Variants in PACS1 observed in about 807,000 individuals in gnomAD.
The protein encoded by PACS1 is phosphofurin acidic cluster sorting protein 1, also known as PACS-1.
PACS1 carries 24 observed loss-of-function variants against 115.0 expected under a neutral mutation model. The observed-to-expected ratio is 0.21, with a 90% CI of 0.15 to 0.29. PACS1 has a LOEUF of 0.29. Among genes scored for constraint, PACS1 ranks in the 10% least tolerant of loss-of-function variants. The pLI, the probability that PACS1 is intolerant of heterozygous loss-of-function variation, is 1.00. For missense variants in PACS1, 838 were observed against 1,251.2 expected (o/e 0.67, Z 4.98); for synonymous variants, 453 against 504.5 (o/e 0.90, Z 1.37).
intron 1 of PACS1, among the ~76,000 whole-genome samples, chr11:66,086,652 G>A (rs958878994): frequency 6.6e-6 from 1 of 152,272 alleles, no homozygotes; most frequent in African/African-American, 2.4e-5. Context: ...GTCTCATTCT[G>A]TCCGCCAGGC....
chr11:66,230,502 C>A, intron 11 of PACS1, 46 bp from the exon 12 acceptor site: 1 of 1,358,650 alleles, frequency 7.4e-7, no homozygotes, highest in Non-Finnish European at 1.1e-6. Context: ...CCTGGGTGGT[C>A]ACTGAGTGGG....
chr11:66,230,037 G>A (rs948099423), intron 11 of PACS1, among the ~76,000 whole-genome samples: 1 of 151,758 alleles, frequency 6.6e-6, no homozygotes, highest in Non-Finnish European at 1.5e-5. Flanking sequence ...GTGAGAGTGT[G>A]GCCAGAGCGG....
intron 4 of PACS1, among the ~76,000 whole-genome samples, 187 bp from the exon 5 acceptor site, chr11:66,215,915 AATAATAATAATAATAAT>A (rs1855193817): frequency 7.0e-6 from 1 of 143,882 alleles, no homozygotes; most frequent in Non-Finnish European, 1.5e-5. Flanking sequence ...TAATAATAAT[AATAATAATAATAATAAT>A]AATAATAATA....
At chr11:66,154,584 G>GA (rs201343775) in intron 1 of PACS1, among the ~76,000 whole-genome samples, 3 of 151,942 alleles carry the variant, frequency 2.0e-5, no homozygotes, top group Admixed American at 6.6e-5. Context: ...CAGATAACTG[G>GA]AAAAAAAATT....
intron 1 of PACS1, among the ~76,000 whole-genome samples, chr11:66,168,930 G>A (rs1194538222): frequency 6.7e-6 from 1 of 150,320 alleles, no homozygotes; most frequent in Non-Finnish European, 1.5e-5. Context: ...TTTCCCAAAT[G>A]GGCTATCATA....
Position 66,197,220 on chromosome 11 carries a change from C to A in PACS1, c.444+3647C>A, listed in dbSNP as rs114468937. Among the ~76,000 whole-genome samples the A allele has an allele frequency of 2.5e-3, 382 of 152,120 alleles. 1 individual carries two copies. The highest frequency in any genetic ancestry group is 8.5e-3 in the African/African-American group (351 of 41,500). On this transcript the variant is annotated intron_variant, in intron 2 of 23. Coordinates refer to ENST00000320580, the MANE Select transcript of PACS1 (RefSeq NM_018026.4). ...TTAGTCTAAAGAGTTCCTGTATACCCCACCCAGCTTCTCCCAACACTAATA... is the reference window on the plus strand; with the variant it reads ...TTAGTCTAAAGAGTTCCTGTATACCACACCCAGCTTCTCCCAACACTAATA...
intron 13 of PACS1, 25 bp from the exon 14 acceptor site, chr11:66,232,144 CAAG>C (rs776399881): frequency 7.3e-6 from 11 of 1,496,814 alleles, no homozygotes; most frequent in Non-Finnish European, 1.0e-5. Flanking sequence ...GACTCCCTAA[CAAG>C]AGACACTTTC....
chr11:66,073,059 G>A (rs544152768), intron 1 of PACS1, among the ~76,000 whole-genome samples: 8 of 152,356 alleles, frequency 5.3e-5, no homozygotes, highest in South Asian at 4.1e-4. Context: ...TTCCGGGAGT[G>A]TGCAGTTACG....
intron 1 of PACS1, among the ~76,000 whole-genome samples, chr11:66,158,091 C>T (rs1007954122): frequency 1.3e-5 from 2 of 152,142 alleles, no homozygotes; most frequent in Non-Finnish European, 1.5e-5. Flanking sequence ...CTCAGCCTCC[C>T]GAGTAACTGA....
chr11:66,194,402 C>A (rs575064312), intron 2 of PACS1, among the ~76,000 whole-genome samples: 3 of 152,232 alleles, frequency 2.0e-5, no homozygotes, highest in East Asian at 1.9e-4. Flanking sequence ...ATTCAAGGGA[C>A]CCAAAATATT....
At chr11:66,205,090 T>G (rs1369274683) in intron 2 of PACS1, among the ~76,000 whole-genome samples, 6 of 152,124 alleles carry the variant, frequency 3.9e-5, no homozygotes, top group South Asian at 2.1e-4. Flanking sequence ...GTTCAAGCGA[T>G]TCTCCTACCT....
intron 1 of PACS1, among the ~76,000 whole-genome samples, chr11:66,162,581 A>T (rs1435435964): frequency 6.6e-6 from 1 of 152,188 alleles, no homozygotes; most frequent in East Asian, 1.9e-4. Flanking sequence ...ATGCTCCCTT[A>T]GAGCCTTTAC....
At chr11:66,230,369 C>T (rs1235246687) in intron 11 of PACS1, 179 bp from the exon 12 acceptor site, 33 of 605,714 alleles carry the variant, frequency 5.4e-5, no homozygotes, top group Non-Finnish European at 7.1e-5. Flanking sequence ...CTCAGTCACC[C>T]GTGAACAGTG....
intron 1 of PACS1, among the ~76,000 whole-genome samples, chr11:66,093,338 A>G (rs1321041327): frequency 3.4e-5 from 5 of 149,162 alleles, no homozygotes; most frequent in Non-Finnish European, 7.5e-5. Flanking sequence ...TCAAAATAAA[A>G]GGATGGAGGA....
chr11:66,090,731 G>A (rs1453209822), intron 1 of PACS1, among the ~76,000 whole-genome samples: 1 of 152,142 alleles, frequency 6.6e-6, no homozygotes, highest in Non-Finnish European at 1.5e-5. Context: ...AATGCTCTGA[G>A]GAGAAAGATA....
At chr11:66,213,132 G>A (rs569611170) in intron 4 of PACS1, among the ~76,000 whole-genome samples, 3 of 152,330 alleles carry the variant, frequency 2.0e-5, no homozygotes, top group Middle Eastern at 3.4e-3. Context: ...GATTACAGGC[G>A]TGAGCCACTG....
At chr11:66,099,504 A>T (rs1356152647) in intron 1 of PACS1, among the ~76,000 whole-genome samples, 1 of 151,876 alleles carries the variant, frequency 6.6e-6, no homozygotes, top group Non-Finnish European at 1.5e-5. Context: ...GAGTACAGGC[A>T]TAAGCCACCG....
intron 11 of PACS1, among the ~76,000 whole-genome samples, chr11:66,227,805 G>A (rs1356045686): frequency 6.6e-6 from 1 of 152,148 alleles, no homozygotes; most frequent in Admixed American, 6.5e-5. Context: ...TACCAGAAAT[G>A]TCCTCATTCT....
intron 1 of PACS1, among the ~76,000 whole-genome samples, chr11:66,108,110 A>G (rs371079493): frequency 6.6e-6 from 1 of 152,342 alleles, no homozygotes; most frequent in East Asian, 1.9e-4. Flanking sequence ...CTACCATAAC[A>G]AAATACCATA....
Sources: gnomAD v4.1 joint callset for allele counts (sites outside exome capture counted in the v4.1 genomes callset) on GRCh38, gnomAD v4.1.1 for gene constraint, MANE v1.5 for transcripts, NCBI Gene and HGNC (gene_info 2026-07-23, HGNC 2026-07-21) for gene names.